TRAFD1: variants seen among roughly 807,000 people sequenced by gnomAD.
The protein encoded by TRAFD1 is TRAF-type zinc finger domain-containing protein 1.
In TRAFD1, 38 loss-of-function variants were observed where a neutral mutation model predicts 65.3. The observed-to-expected ratio is 0.58, with a 90% confidence interval of 0.45 to 0.76. The LOEUF is 0.76. Ranked by LOEUF, TRAFD1 falls within the 30% of genes least tolerant of loss-of-function variation. The probability of loss-of-function intolerance (pLI) is 0.00; values close to 1 mark genes in which losing one functional copy is unlikely to be tolerated. For missense variants in TRAFD1, 631 were observed against 712.6 expected (o/e 0.89, Z 1.30); for synonymous variants, 223 against 257.2 (o/e 0.87, Z 1.27).
In TRAFD1 at chr12:112,134,887, T is replaced by C. The variant is rs774171183; in HGVS notation, c.183+14T>C. ...GAACACTGTCAGGTGAGCCACCAAG[T>C]ACTCAAATGTTTATACATGTGTTAT... On this transcript the variant is annotated intron_variant, in intron 3 of 11. Coordinates refer to ENST00000412615, the MANE Select transcript of TRAFD1 (RefSeq NM_006700.3). The C allele has an allele frequency of 1.6e-5, 25 of 1,611,732 alleles. No individual in the cohort carries two copies. Among genetic ancestry groups the C allele is most frequent in the Non-Finnish European group, 9.3e-6 (11 of 1,177,940 alleles).
In TRAFD1 at chr12:112,142,802, T is replaced by G. The variant is rs560810362; in HGVS notation, c.850+507T>G. 5.9e-5 allele frequency among the ~76,000 whole-genome samples: 9 copies of G among 152,328 alleles called. No homozygotes were observed. In the South Asian group the frequency reaches 1.9e-3, roughly 32 times the overall value. On this transcript the variant is annotated intron_variant, in intron 6 of 11. Transcript: ENST00000412615. ...GTACTTAGGAATAAAATGTTATGTG[T>G]TCAAACTTATTCTCAAATAGTTCAG... is the stretch of plus-strand genomic sequence containing the variant.
In TRAFD1 at chr12:112,141,104, C is replaced by G. The variant is rs777364668; in HGVS notation, c.523C>G (p.Leu175Val). 2 of 1,614,030 alleles carry G rather than the reference C, an allele frequency of 1.2e-6. No homozygotes were observed. Among genetic ancestry groups the G allele is most frequent in the Non-Finnish European group, 1.7e-6 (2 of 1,180,030 alleles). Residue 175 changes from leucine (L) to valine (V), a missense_variant, in exon 5 of 12, where the codon CTG becomes GTG. Transcript: ENST00000412615. ...CCAACTCCTCAGACAAATTGAGGCTCTGGACCCACCCATGAGGCTGCCGCG... is the reference window on the plus strand; with the variant it reads ...CCAACTCCTCAGACAAATTGAGGCTGTGGACCCACCCATGAGGCTGCCGCG... ...ASQLLRQIEA[L>V]DPPMRLPRRP...
At chr12:112,144,501 C>A (rs1831364947) in intron 6 of TRAFD1, among the ~76,000 whole-genome samples, 1 of 152,126 alleles carries the variant, frequency 6.6e-6, no homozygotes, top group East Asian at 1.9e-4. Context: ...GAACTCCTGA[C>A]CTCAGGTAAT....
At chr12:112,127,072 C>T (rs1203781092) in intron 1 of TRAFD1, among the ~76,000 whole-genome samples, 1 of 152,194 alleles carries the variant, frequency 6.6e-6, no homozygotes, top group Admixed American at 6.6e-5. Context: ...CTTCTTGAGT[C>T]ATTCCCCTTT....
chr12:112,130,536 T>C lies in TRAFD1; in HGVS notation c.14T>C (p.Leu5Pro), dbSNP rs1593862917. The C allele has an allele frequency of 1.9e-6, 3 of 1,613,304 alleles. No individual in the cohort carries two copies. The highest frequency in any genetic ancestry group is 2.5e-6 in the Non-Finnish European group (3 of 1,179,566). Residue 5 changes from leucine to proline, a missense_variant, in exon 2 of 12, where the codon CTA (leucine) becomes CCA (proline). By Grantham distance (98) the Leu-to-Pro change is moderately conservative. Transcript: ENST00000412615. This position sits in a 1 kb window ranked among gnomAD's most constrained non-coding sequence, Gnocchi z 4.4. MAEF[L>P]DDQETRLCDN... Reference sequence around the variant, plus strand: ...GAAGAGCTAAAGATGGCTGAATTTCTAGATGACCAGGAAACTCGACTGTGT... The same window carrying C: ...GAAGAGCTAAAGATGGCTGAATTTCCAGATGACCAGGAAACTCGACTGTGT...
intron 2 of TRAFD1, among the ~76,000 whole-genome samples, chr12:112,131,326 A>T: frequency 6.6e-6 from 1 of 152,220 alleles, no homozygotes; most frequent in East Asian, 1.9e-4. Flanking sequence ...AGCATTAGTT[A>T]AGATACACCT....
intron 2 of TRAFD1, among the ~76,000 whole-genome samples, chr12:112,133,537 G>A (rs2079576331): frequency 6.6e-6 from 1 of 152,080 alleles, no homozygotes; most frequent in Non-Finnish European, 1.5e-5. Context: ...GTATCACTCT[G>A]CTTTGGGACA....
At chr12:112,140,035 A>G in intron 4 of TRAFD1, 1 of 203,848 alleles carries the variant, frequency 4.9e-6, no homozygotes, top group Non-Finnish European at 1.0e-5. Context: ...AATAAATGAA[A>G]AATAAAGCCT....
In TRAFD1 at chr12:112,140,927, T is replaced by G. The variant is rs757415144; in HGVS notation, c.346T>G (p.Cys116Gly). The G allele has an allele frequency of 6.2e-7, 1 of 1,614,184 alleles. No individual in the cohort carries two copies. Among genetic ancestry groups the G allele is most frequent in the South Asian group, 1.1e-5 (1 of 91,082 alleles). ...EDYCGARTELCGNCGRNVLVK... is the reference protein window; with the variant it reads ...EDYCGARTELGGNCGRNVLVK... Reference sequence around the variant, plus strand: ...TTATTGTGGTGCCCGGACGGAACTATGTGGCAACTGTGGTCGCAATGTCCT... The same window carrying G: ...TTATTGTGGTGCCCGGACGGAACTAGGTGGCAACTGTGGTCGCAATGTCCT... The change falls in exon 5 of 12, where the codon TGT becomes GGT. Residue 116 changes from cysteine to glycine, a missense_variant. Coordinates refer to ENST00000412615, the MANE Select transcript of TRAFD1 (RefSeq NM_006700.3).
In TRAFD1 at chr12:112,151,872, C is replaced by T; in HGVS notation, c.1351C>T (p.Pro451Ser). ...TANGPTSCLP[P>S]SRPINNMTAT... is the part of the protein sequence containing the mutation. Reference sequence around the variant, plus strand: ...TAATGGGCCCACCTCCTGTCTGCCTCCCAGCCGACCCATTAACAATATGAC... The same window carrying T: ...TAATGGGCCCACCTCCTGTCTGCCTTCCAGCCGACCCATTAACAATATGAC... Residue 451 changes from proline to serine, a missense_variant, in exon 10 of 12, where the codon CCC (proline) becomes TCC (serine). Transcript: ENST00000412615. 6.2e-7 allele frequency: 1 copy of T among 1,614,208 alleles called. No homozygotes were observed. Among genetic ancestry groups the T allele is most frequent in the Non-Finnish European group, 8.5e-7 (1 of 1,180,038 alleles).
At position 112,130,247 on chromosome 12, in the gene TRAFD1, C is replaced by T. The variant is rs886951035; in HGVS notation, c.-12-264C>T. 6.6e-6 allele frequency among the ~76,000 whole-genome samples: 1 copy of T among 152,000 alleles called. No individual in the cohort carries two copies. Among genetic ancestry groups the T allele is most frequent in the Non-Finnish European group, 1.5e-5 (1 of 68,018 alleles). ...TCGGCCTCCCAAAGTACTGAGATTA[C>T]AGGCATGAGCCACTGTACCCAGCCT... On this transcript the variant is annotated intron_variant, in intron 1 of 11. Coordinates refer to ENST00000412615, the MANE Select transcript of TRAFD1 (RefSeq NM_006700.3). This position sits in a 1 kb window ranked among gnomAD's most constrained non-coding sequence, Gnocchi z 4.4.
Position 112,130,554 on chromosome 12 carries a change from G to T in TRAFD1, c.32G>T (p.Arg11Leu). Residue 11 changes from arginine (R) to leucine (L), a missense_variant, in exon 2 of 12, where the codon CGA becomes CTA. Coordinates refer to ENST00000412615, the MANE Select transcript of TRAFD1 (RefSeq NM_006700.3). The surrounding 1 kb of genome is among the most constrained non-coding windows in gnomAD (Gnocchi z 4.4). Reference protein sequence around the residue: MAEFLDDQETRLCDNCKKEIP... With the variant: MAEFLDDQETLLCDNCKKEIP... ...GAATTTCTAGATGACCAGGAAACTC[G>T]ACTGTGTGACAACTGGTAAGACATT... The T allele has an allele frequency of 6.2e-7, 1 of 1,612,906 alleles. No individual in the cohort carries two copies. The highest frequency in any genetic ancestry group is 1.1e-5 in the South Asian group (1 of 90,978).
chr12:112,135,143 C>G (rs970070579), intron 4 of TRAFD1, 77 bp downstream of exon 4: 1 of 1,543,740 alleles, frequency 6.5e-7, no homozygotes, highest in Non-Finnish European at 9.0e-7. Context: ...GGAAGCCAGT[C>G]TGGTTGAGTG....
chr12:112,135,722 G>C (rs2079595880), intron 4 of TRAFD1, among the ~76,000 whole-genome samples: 1 of 150,962 alleles, frequency 6.6e-6, no homozygotes, highest in South Asian at 2.1e-4. Context: ...TTAAAATCTT[G>C]AACACCTGGA....
At chr12:112,141,385 C>A (rs2136975875) in intron 5 of TRAFD1, 161 bp downstream of exon 5, 2 of 815,916 alleles carry the variant, frequency 2.5e-6, no homozygotes, top group South Asian at 1.9e-5. Flanking sequence ...GAAATAACCT[C>A]CATTGGATTA....
intron 7 of TRAFD1, among the ~76,000 whole-genome samples, chr12:112,147,044 G>A (rs1291911890): frequency 8.3e-6 from 1 of 120,264 alleles, no homozygotes; most frequent in Non-Finnish European, 1.6e-5. Context: ...CTGTCGCCTA[G>A]GCTGGAGCGC....
At chr12:112,134,644 T>C (rs937442338) in intron 2 of TRAFD1, 94 bp from the exon 3 acceptor site, 1 of 1,397,516 alleles carries the variant, frequency 7.2e-7, no homozygotes, top group African/African-American at 1.4e-5. Context: ...AGACTAAAGA[T>C]TGGACAGGAC....
intron 6 of TRAFD1, among the ~76,000 whole-genome samples, chr12:112,142,747 T>G (rs1197648426): frequency 6.6e-6 from 1 of 152,160 alleles, no homozygotes; most frequent in Non-Finnish European, 1.5e-5. Context: ...GAGAAAGCAG[T>G]GCCCTTGTTC....
At position 112,152,345 on chromosome 12, in the gene TRAFD1, G is replaced by C; in HGVS notation, c.1620-82G>C. 6.4e-7 allele frequency: 1 copy of C among 1,571,384 alleles called. No homozygotes were observed. Among genetic ancestry groups the C allele is most frequent in the Non-Finnish European group, 8.7e-7 (1 of 1,153,430 alleles). On this transcript the variant is annotated intron_variant, in intron 10 of 11. Coordinates refer to ENST00000412615, the MANE Select transcript of TRAFD1 (RefSeq NM_006700.3). This position sits in a 1 kb window ranked among gnomAD's most constrained non-coding sequence, Gnocchi z 5.0. ...TTTTTGGGGTTTGTCTGCTAGCATA[G>C]GACTGCTTCCTGTTCCCTCTGAGTT... is the stretch of plus-strand genomic sequence containing the variant.
Sources: allele counts gnomAD v4.1 joint callset (sites outside exome capture counted in the v4.1 genomes callset), GRCh38; gene constraint gnomAD v4.1.1; non-coding constraint Gnocchi (gnomAD v3.1); transcripts MANE v1.5; gene names NCBI Gene and HGNC (gene_info 2026-07-23, HGNC 2026-07-21).